Variants in ABAT observed in about 807,000 individuals in gnomAD.
ABAT encodes the protein 4-aminobutyrate aminotransferase, mitochondrial.
In ABAT, 45 loss-of-function variants were observed where a neutral mutation model predicts 64.6. That is an observed-to-expected ratio of 0.70 (90% CI 0.55 to 0.89). ABAT has a LOEUF of 0.89. Ranked by LOEUF, ABAT falls within the 40% of genes least tolerant of loss-of-function variation. ABAT has a pLI of 0.00. For synonymous variants in ABAT, 297 were observed against 250.5 expected (o/e 1.19, Z -1.75); for missense variants, 633 against 658.4 (o/e 0.96, Z 0.42).
chr16:8,691,145 A>C (rs1275813415), intron 1 of ABAT, among the ~76,000 whole-genome samples: 2 of 152,132 alleles, frequency 1.3e-5, no homozygotes, highest in African/African-American at 4.8e-5. Context: ...TTGATGCTAC[A>C]GCCACACCTC....
intron 1 of ABAT, among the ~76,000 whole-genome samples, chr16:8,731,946 C>T (rs903645068): frequency 5.3e-5 from 8 of 152,068 alleles, no homozygotes; most frequent in Admixed American, 3.9e-4. Context: ...CTCTGCCTCC[C>T]GAGTTGAAGT....
intron 1 of ABAT, among the ~76,000 whole-genome samples, chr16:8,711,627 T>A (rs1002923570): frequency 2.0e-5 from 3 of 150,948 alleles, no homozygotes; most frequent in African/African-American, 7.4e-5. Context: ...GGATAGTGAA[T>A]CATTTGTGGA....
intron 1 of ABAT, among the ~76,000 whole-genome samples, chr16:8,721,703 G>T (rs1284757516): frequency 6.6e-6 from 1 of 152,200 alleles, no homozygotes; most frequent in African/African-American, 2.4e-5. Context: ...TCTTTCTCCA[G>T]AGCAAATTGG....
intron 1 of ABAT, among the ~76,000 whole-genome samples, chr16:8,684,245 C>A (rs564812169): frequency 6.6e-6 from 1 of 152,162 alleles, no homozygotes; most frequent in Non-Finnish European, 1.5e-5. Context: ...CCAGAGAGTT[C>A]ATAGGAAGCC....
chr16:8,774,286 T>C (rs965058564), intron 12 of ABAT, among the ~76,000 whole-genome samples: 1 of 152,182 alleles, frequency 6.6e-6, no homozygotes, highest in African/African-American at 2.4e-5. Flanking sequence ...ATGGACAGAT[T>C]GATTCTGTAT....
chr16:8,677,447 G>A (rs1179924111), intron 1 of ABAT, among the ~76,000 whole-genome samples: 1 of 152,184 alleles, frequency 6.6e-6, no homozygotes, highest in Non-Finnish European at 1.5e-5. Context: ...TGGAAACTTA[G>A]GCAAGTCATT....
At chr16:8,760,962 C>G (rs538191751) in intron 6 of ABAT, among the ~76,000 whole-genome samples, 10 of 152,084 alleles carry the variant, frequency 6.6e-5, no homozygotes, top group African/African-American at 2.4e-4. Context: ...ACCTGTAGTC[C>G]CAGCTACTCA....
At position 8,781,118 on chromosome 16, in the gene ABAT, GGAGA is replaced by G; in HGVS notation, c.1382-186_1382-183del. The G allele has an allele frequency of 1.2e-6, 1 of 819,850 alleles. No individual in the cohort carries two copies. Among genetic ancestry groups the G allele is most frequent in the Non-Finnish European group, 2.1e-6 (1 of 470,668 alleles). The allele number at this position is 819,850 out of a possible 1,614,324, so 50.8% of individuals were successfully genotyped here. On this transcript the variant is annotated intron_variant, in intron 15 of 15. Transcript: ENST00000268251. This position sits in a 1 kb window ranked among gnomAD's most constrained non-coding sequence, Gnocchi z 4.5. ...AGAATGATGGAGGAGATGAATGAGG[GGAGA>G]GAGAAAGGAAATGAAGACTGGATGG... is the stretch of plus-strand genomic sequence containing the variant.
At chr16:8,696,351 G>A (rs1202732165) in intron 1 of ABAT, among the ~76,000 whole-genome samples, 1 of 152,160 alleles carries the variant, frequency 6.6e-6, no homozygotes, top group Non-Finnish European at 1.5e-5. Flanking sequence ...GGCTAGGCGT[G>A]GTGGCTCACT....
At position 8,764,641 on chromosome 16, in the gene ABAT, C is replaced by T; in HGVS notation, c.448-97C>T. On this transcript the variant is annotated intron_variant, in intron 7 of 15. Coordinates refer to ENST00000268251, the MANE Select transcript of ABAT (RefSeq NM_020686.6). The surrounding 1 kb of genome is among the most constrained non-coding windows in gnomAD (Gnocchi z 4.2). ...AGGACAGCCCTGGTTCTGTCTGTCC[C>T]CGGTACGGCCCCTGCGAAGATTCAG... 8.5e-7 allele frequency: 1 copy of T among 1,181,464 alleles called. No individual in the cohort carries two copies. The highest frequency in any genetic ancestry group is 2.4e-5 in the East Asian group (1 of 42,060). 73.2% of individuals were successfully genotyped at this position (1,181,464 alleles called of 1,614,324 possible). A position where few individuals can be genotyped will look rare whatever the true frequency, so the allele number is the denominator to read the frequency against.
chr16:8,784,186 C>T lies in ABAT; in HGVS notation c.*2756C>T, dbSNP rs1567323002. Reference sequence around the variant, plus strand: ...CATTAGTGCCATAGAGTTTAGTAACCGTCCAGCAAGTGTCATCACTTTTAC... The same window carrying T: ...CATTAGTGCCATAGAGTTTAGTAACTGTCCAGCAAGTGTCATCACTTTTAC... On this transcript the variant is annotated 3_prime_UTR_variant, in exon 16 of 16. Coordinates refer to ENST00000268251, the MANE Select transcript of ABAT (RefSeq NM_020686.6). The T allele has an allele frequency of 6.5e-6, 1 of 152,744 alleles. No individual in the cohort carries two copies. Among genetic ancestry groups the T allele is most frequent in the Admixed American group, 6.5e-5 (1 of 15,304 alleles). 9.5% of individuals were successfully genotyped at this position (152,744 alleles called of 1,614,324 possible).
At chr16:8,682,607 G>C (rs1005077261) in intron 1 of ABAT, among the ~76,000 whole-genome samples, 2 of 98,144 alleles carry the variant, frequency 2.0e-5, no homozygotes, top group Non-Finnish European at 4.8e-5. Context: ...ACCAGCCCCC[G>C]ACCCCTGCCA....
chr16:8,739,063 G>C (rs938058116), intron 2 of ABAT, among the ~76,000 whole-genome samples: 2 of 152,204 alleles, frequency 1.3e-5, no homozygotes, highest in Non-Finnish European at 2.9e-5. Flanking sequence ...AGAGAGTCTG[G>C]CACAGATGAT....
At position 8,782,809 on chromosome 16, in the gene ABAT, G is replaced by T. The variant is rs2060470049; in HGVS notation, c.*1379G>T. 1 of 152,182 alleles carries T rather than the reference G, an allele frequency of 6.6e-6. No homozygotes were observed. Among genetic ancestry groups the T allele is most frequent in the Non-Finnish European group, 1.5e-5 (1 of 68,034 alleles). 9.4% of individuals were successfully genotyped at this position (152,182 alleles called of 1,614,324 possible). Reference sequence around the variant, plus strand: ...TGAGAAAGCCTGGCTTGTATTATCTGTCCAAAAGGAAGCCTCTTCATCTCC... The same window carrying T: ...TGAGAAAGCCTGGCTTGTATTATCTTTCCAAAAGGAAGCCTCTTCATCTCC... On this transcript the variant is annotated 3_prime_UTR_variant, in exon 16 of 16. Coordinates refer to ENST00000268251, the MANE Select transcript of ABAT (RefSeq NM_020686.6).
At chr16:8,773,417 G>A (rs2060178481) in intron 12 of ABAT, among the ~76,000 whole-genome samples, 1 of 152,146 alleles carries the variant, frequency 6.6e-6, no homozygotes, top group East Asian at 1.9e-4. Flanking sequence ...CTCCCAAAGT[G>A]CTGGGATTAC....
In ABAT at chr16:8,776,604, A is replaced by G; in HGVS notation, c.1269+114A>G. On this transcript the variant is annotated intron_variant, in intron 14 of 15. Transcript: ENST00000268251. The surrounding 1 kb of genome is among the most constrained non-coding windows in gnomAD (Gnocchi z 4.4). ...TGTGCCTGCTGTTCCAGCAGTTCGT[A>G]ACGGGCTGTGCTGCTCCTAGCCTTG... 1.7e-6 allele frequency: 2 copies of G among 1,171,418 alleles called. No homozygotes were observed. The highest frequency in any genetic ancestry group is 4.0e-5 in the Admixed American group (2 of 50,322). 72.6% of individuals were successfully genotyped at this position (1,171,418 alleles called of 1,614,324 possible). A position where few individuals can be genotyped will look rare whatever the true frequency, so the allele number is the denominator to read the frequency against.
At chr16:8,720,320 C>G (rs191874344) in intron 1 of ABAT, among the ~76,000 whole-genome samples, 29 of 152,336 alleles carry the variant, frequency 1.9e-4, no homozygotes, top group Admixed American at 1.9e-3. Context: ...ATATATGGCC[C>G]AGCCACACTT....
intron 2 of ABAT, chr16:8,738,603 T>C: frequency 2.9e-6 from 1 of 345,850 alleles, no homozygotes; most frequent in South Asian, 2.3e-5. Flanking sequence ...TTTTCTTTTT[T>C]GTTTTTGTTT....
intron 1 of ABAT, among the ~76,000 whole-genome samples, chr16:8,691,567 G>A (rs561569872): frequency 6.6e-6 from 1 of 152,202 alleles, no homozygotes; most frequent in East Asian, 1.9e-4. Context: ...AGCTTCCTGA[G>A]TAGCTGGAAT....
Sources: allele counts gnomAD v4.1 joint callset (sites outside exome capture counted in the v4.1 genomes callset), GRCh38; gene constraint gnomAD v4.1.1; non-coding constraint Gnocchi (gnomAD v3.1); transcripts MANE v1.5; gene names NCBI Gene and HGNC (gene_info 2026-07-23, HGNC 2026-07-21).